Variants in TRAPPC3 observed in about 807,000 individuals in gnomAD.
TRAPPC3 encodes the protein trafficking protein particle complex subunit 3.
TRAPPC3 carries 5 observed loss-of-function variants against 18.2 expected under a neutral mutation model. The observed-to-expected ratio is 0.28, with a 90% CI of 0.14 to 0.58. The LOEUF is 0.58. Among genes scored for constraint, TRAPPC3 ranks in the 20% least tolerant of loss-of-function variants. TRAPPC3 has a pLI of 0.91. For synonymous variants in TRAPPC3, 65 were observed against 84.2 expected (o/e 0.77, Z 1.25); for missense variants, 176 against 225.9 (o/e 0.78, Z 1.41).
intron 1 of TRAPPC3, among the ~76,000 whole-genome samples, chr1:36,144,942 C>A (rs189104470): frequency 1.7e-3 from 259 of 152,334 alleles, no homozygotes; most frequent in Non-Finnish European, 2.0e-3. Context: ...AGGTGAGACA[C>A]CACTTGACAG....
intron 1 of TRAPPC3, among the ~76,000 whole-genome samples, chr1:36,145,082 C>T (rs913744627): frequency 9.2e-5 from 14 of 151,890 alleles, no homozygotes; most frequent in African/African-American, 2.4e-4. Flanking sequence ...AGTGCAGTAG[C>T]GCAATCTTGG....
chr1:36,137,640 G>T, intron 4 of TRAPPC3, 156 bp downstream of exon 4: 2 of 801,172 alleles, frequency 2.5e-6, no homozygotes, highest in Non-Finnish European at 3.9e-6. Context: ...ATGTAAAGAT[G>T]TCCGACTTGG....
upstream of TRAPPC3, among the ~76,000 whole-genome samples, chr1:36,153,052 AAGG>A (rs1644283481): frequency 6.6e-6 from 1 of 152,176 alleles, no homozygotes; most frequent in Non-Finnish European, 1.5e-5. Flanking sequence ...TTCCGTGCAG[AAGG>A]AGGAGACTGC....
In TRAPPC3 at chr1:36,149,472, A is replaced by C. The variant is rs1216195737; in HGVS notation, c.-94T>G. The C allele has an allele frequency of 1.3e-6, 2 of 1,512,854 alleles. No individual in the cohort carries two copies. The highest frequency in any genetic ancestry group is 1.8e-6 in the Non-Finnish European group (2 of 1,111,712). The allele number at this position is 1,512,854 out of a possible 1,614,324, so 93.7% of individuals were successfully genotyped here. On this transcript the variant is annotated 5_prime_UTR_variant, in exon 1 of 5. Transcript: ENST00000373166. Reference sequence around the variant, plus strand: ...CTAAGCCGCTGCCCCTCAGCCCACAAGACCGACCGGCACTGACTCACTGCG... The same window carrying C: ...CTAAGCCGCTGCCCCTCAGCCCACACGACCGACCGGCACTGACTCACTGCG...
chr1:36,144,626 C>T (rs1292923804), intron 1 of TRAPPC3, among the ~76,000 whole-genome samples: 2 of 152,210 alleles, frequency 1.3e-5, no homozygotes, highest in East Asian at 3.8e-4. Context: ...TGCATTCCAG[C>T]CTGGACAACA....
chr1:36,142,256 A>G (rs2124153195), intron 1 of TRAPPC3, among the ~76,000 whole-genome samples: 2 of 152,352 alleles, frequency 1.3e-5, no homozygotes, highest in South Asian at 4.1e-4. Flanking sequence ...TTTACCAAAT[A>G]TGGCAATTAA....
At chr1:36,139,981 G>T in intron 2 of TRAPPC3, 88 bp downstream of exon 2, 1 of 1,460,048 alleles carries the variant, frequency 6.8e-7, no homozygotes, top group Non-Finnish European at 9.2e-7. Flanking sequence ...GAAAGAGAGA[G>T]AACCCTGTTT....
chr1:36,139,701 G>A lies in TRAPPC3; in HGVS notation c.240+19C>T, dbSNP rs367572108. The A allele has an allele frequency of 2.5e-6, 4 of 1,613,906 alleles. No homozygotes were observed. The highest frequency in any genetic ancestry group is 2.7e-5 in the African/African-American group (2 of 75,012). ...CAGCAGCAATTCTTCAGCATGGACA[G>A]GTGGCCCAGAATAATGACCTTGGCA... On this transcript the variant is annotated intron_variant, in intron 3 of 4. Coordinates refer to ENST00000373166, the MANE Select transcript of TRAPPC3 (RefSeq NM_014408.5).
chr1:36,147,012 G>T (rs947107409), intron 1 of TRAPPC3, among the ~76,000 whole-genome samples: 1 of 152,222 alleles, frequency 6.6e-6, no homozygotes, highest in Non-Finnish European at 1.5e-5. Context: ...GCTATGTGGA[G>T]TGTACTTTCA....
chr1:36,140,361 G>A (rs1196820988), intron 1 of TRAPPC3, 195 bp from the exon 2 acceptor site: 1 of 441,538 alleles, frequency 2.3e-6, no homozygotes, highest in African/African-American at 2.0e-5. Flanking sequence ...CAGAACTACT[G>A]CAAAATGGGC....
At chr1:36,140,036 AT>A (rs1361076410) in intron 2 of TRAPPC3, 32 bp downstream of exon 2, 6 of 1,554,522 alleles carry the variant, frequency 3.9e-6, no homozygotes, top group Non-Finnish European at 4.4e-6. Flanking sequence ...GGGAGGCCCC[AT>A]TTCTGTCTCT....
chr1:36,143,949 G>C (rs940619981), intron 1 of TRAPPC3, among the ~76,000 whole-genome samples: 1 of 152,118 alleles, frequency 6.6e-6, no homozygotes, highest in Non-Finnish European at 1.5e-5. Flanking sequence ...AGGTACTCAA[G>C]AAATACATAC....
rs1416627970 is a variant in TRAPPC3 at position 36,139,718 on chromosome 1, A to T, written c.240+2T>A. On this transcript the variant is annotated splice_donor_variant, in intron 3 of 4. Coordinates refer to ENST00000373166, the MANE Select transcript of TRAPPC3 (RefSeq NM_014408.5). LOFTEE classifies it high-confidence loss of function. Reference sequence around the variant, plus strand: ...CATGGACAGGTGGCCCAGAATAATGACCTTGGCAATGACATCCGCAGTTTC... The same window carrying T: ...CATGGACAGGTGGCCCAGAATAATGTCCTTGGCAATGACATCCGCAGTTTC... The T allele has an allele frequency of 6.2e-7, 1 of 1,614,056 alleles. No individual in the cohort carries two copies. The highest frequency in any genetic ancestry group is 8.5e-7 in the Non-Finnish European group (1 of 1,180,002).
chr1:36,142,264 T>C (rs1403829570), intron 1 of TRAPPC3, among the ~76,000 whole-genome samples: 1 of 152,182 alleles, frequency 6.6e-6, no homozygotes, highest in Non-Finnish European at 1.5e-5. Context: ...ATATGGCAAT[T>C]AAGGGGAAGC....
chr1:36,144,247 C>T (rs1342618860), intron 1 of TRAPPC3, among the ~76,000 whole-genome samples: 2 of 128,892 alleles, frequency 1.6e-5, no homozygotes, highest in Non-Finnish European at 3.1e-5. Flanking sequence ...AAGATCATGC[C>T]ACCGCACTCC....
At chr1:36,138,053 C>A in intron 3 of TRAPPC3, 75 bp from the exon 4 acceptor site, 1 of 1,607,376 alleles carries the variant, frequency 6.2e-7, no homozygotes, top group Non-Finnish European at 8.5e-7. Context: ...ACAGAACTGG[C>A]AAAGGGGAAT....
chr1:36,143,637 G>A (rs751497342), intron 1 of TRAPPC3, among the ~76,000 whole-genome samples: 14 of 152,080 alleles, frequency 9.2e-5, no homozygotes, highest in Non-Finnish European at 2.1e-4. Context: ...AACATGAATC[G>A]CTTCTGCAAC....
chr1:36,137,348 G>GGTA (rs773399760), intron 4 of TRAPPC3, 26 bp from the exon 5 acceptor site: 22 of 1,597,542 alleles, frequency 1.4e-5, no homozygotes, highest in Non-Finnish European at 1.8e-5. Context: ...AAAACGAAGG[G>GGTA]GTAGCTGCCT....
intron 1 of TRAPPC3, among the ~76,000 whole-genome samples, chr1:36,148,476 T>C (rs967882386): frequency 6.6e-6 from 1 of 151,842 alleles, no homozygotes; most frequent in African/African-American, 2.4e-5. Context: ...ACACCTGTAA[T>C]CCCAGCTACT....
Sources: allele counts gnomAD v4.1 joint callset (sites outside exome capture counted in the v4.1 genomes callset), GRCh38; gene constraint gnomAD v4.1.1; transcripts MANE v1.5; gene names NCBI Gene and HGNC (gene_info 2026-07-23, HGNC 2026-07-21).